Variants in CDH13 observed in about 807,000 individuals in gnomAD.
CDH13 encodes cadherin 13, also known as cadherin-13.
CDH13 carries 24 observed loss-of-function variants against 63.8 expected under a neutral mutation model. The observed-to-expected ratio is 0.38, with a 90% CI of 0.27 to 0.53. CDH13 has a LOEUF of 0.53. Among genes scored for constraint, CDH13 ranks in the 20% least tolerant of loss-of-function variants. CDH13 has a pLI of 0.85. For missense variants in CDH13, 1,049 were observed against 903.1 expected, an observed-to-expected ratio of 1.16 and a Z score of -2.07; for synonymous variants, 503 against 355.3, an observed-to-expected ratio of 1.42 and a Z score of -4.67.
In CDH13 at chr16:83,497,804, C is replaced by T. The variant is rs79945253; in HGVS notation, c.960+11149C>T. The stretch of plus-strand genomic sequence containing the variant: ...ATTGGCCACAATGCTCAGATAGGAG[C>T]AGTTTTATGTACTGACTGCAGCATG... On this transcript the variant is annotated intron_variant, in intron 7 of 13. Coordinates refer to ENST00000567109, the MANE Select transcript of CDH13 (RefSeq NM_001257.5). Among the ~76,000 whole-genome samples the T allele has an allele frequency of 4.1e-3, 618 of 152,320 alleles. 5 individuals carry two copies. The highest frequency in any genetic ancestry group is 0.014 in the African/African-American group (601 of 41,570).
intron 3 of CDH13, among the ~76,000 whole-genome samples, chr16:83,053,031 C>G (rs1035041735): frequency 1.3e-5 from 2 of 152,026 alleles, no homozygotes; most frequent in East Asian, 1.9e-4. Context: ...TTTCGAAGGC[C>G]TAACTTTTTC....
At chr16:83,394,665 A>G (rs985805259) in intron 6 of CDH13, among the ~76,000 whole-genome samples, 2 of 152,190 alleles carry the variant, frequency 1.3e-5, no homozygotes, top group African/African-American at 4.8e-5. Flanking sequence ...CTCCCTTGCT[A>G]GTGTCTGGAA....
intron 3 of CDH13, among the ~76,000 whole-genome samples, chr16:83,122,335 A>G (rs545212166): frequency 6.6e-6 from 1 of 150,970 alleles, no homozygotes; most frequent in Non-Finnish European, 1.5e-5. Flanking sequence ...CAGCATGTTT[A>G]TTTTTATGTT....
At chr16:83,570,467 G>A (rs1330426690) in intron 7 of CDH13, among the ~76,000 whole-genome samples, 1 of 151,982 alleles carries the variant, frequency 6.6e-6, no homozygotes, top group African/African-American at 2.4e-5. Flanking sequence ...CTGCACCAGG[G>A]AGTGAGAATG....
At chr16:83,735,619 G>T (rs1173665154) in intron 10 of CDH13, 1 of 152,018 alleles carries the variant, frequency 6.6e-6, no homozygotes, top group East Asian at 1.9e-4. Context: ...TGTCTTTCTG[G>T]GCTTGGCTTA....
rs1275602167 is a variant in CDH13 at position 83,635,215 on chromosome 16, C to G, written c.1101+32621C>G. 2.6e-5 allele frequency among the ~76,000 whole-genome samples: 4 copies of G among 151,718 alleles called. No individual in the cohort carries two copies. In the East Asian group the frequency reaches 7.7e-4, roughly 29 times the overall value. On this transcript the variant is annotated intron_variant, in intron 8 of 13. Transcript: ENST00000567109. Reference sequence around the variant, plus strand: ...ATGATATGAAACATCTTTGCATGTGCTTATTTGCCGTCAGTGTTCTCTTTG... The same window carrying G: ...ATGATATGAAACATCTTTGCATGTGGTTATTTGCCGTCAGTGTTCTCTTTG...
At chr16:83,475,610 C>G (rs916361289) in intron 6 of CDH13, among the ~76,000 whole-genome samples, 3 of 152,142 alleles carry the variant, frequency 2.0e-5, no homozygotes, top group Admixed American at 6.5e-5. Context: ...GAGACAGGGT[C>G]TCTCTCTGTC....
At chr16:82,703,864 C>G (rs532750085) in intron 1 of CDH13, among the ~76,000 whole-genome samples, 1 of 152,290 alleles carries the variant, frequency 6.6e-6, no homozygotes, top group South Asian at 2.1e-4. Flanking sequence ...GTCAGTGACA[C>G]CTGCACTCAG....
intron 1 of CDH13, among the ~76,000 whole-genome samples, chr16:82,733,944 A>G (rs959055107): frequency 6.6e-6 from 1 of 152,230 alleles, no homozygotes; most frequent in African/African-American, 2.4e-5. Context: ...CCTTGATGGC[A>G]CTTACTTCTT....
chr16:82,982,716 C>T (rs1597353581), intron 2 of CDH13, among the ~76,000 whole-genome samples: 1 of 152,188 alleles, frequency 6.6e-6, no homozygotes, highest in African/African-American at 2.4e-5. Context: ...CCTGTGGCTG[C>T]ACTCCACACA....
At chr16:83,572,702 A>G (rs1904754982) in intron 7 of CDH13, among the ~76,000 whole-genome samples, 1 of 152,256 alleles carries the variant, frequency 6.6e-6, no homozygotes, top group African/African-American at 2.4e-5. Flanking sequence ...TTGAACATGT[A>G]TAATAGCCAA....
chr16:82,877,263 T>A (rs1490554488), intron 2 of CDH13, among the ~76,000 whole-genome samples: 1 of 152,162 alleles, frequency 6.6e-6, no homozygotes, highest in Admixed American at 6.6e-5. Flanking sequence ...GACAAGTAGG[T>A]TATTGTTTGA....
intron 6 of CDH13, chr16:83,398,061 C>A (rs564040983): frequency 1.3e-5 from 2 of 152,202 alleles, no homozygotes; most frequent in East Asian, 1.9e-4. Flanking sequence ...TACTCTAGAC[C>A]AGTGTATCCG....
intron 1 of CDH13, among the ~76,000 whole-genome samples, chr16:82,718,750 C>T (rs554681408): frequency 5.9e-5 from 9 of 152,056 alleles, no homozygotes; most frequent in African/African-American, 9.7e-5. Context: ...TCTCGTGAGA[C>T]GATCACAAGA....
intron 1 of CDH13, among the ~76,000 whole-genome samples, chr16:82,811,182 G>A (rs952393682): frequency 3.9e-5 from 6 of 152,122 alleles, no homozygotes; most frequent in African/African-American, 9.7e-5. Flanking sequence ...AGCTGATTAC[G>A]CGAATTTCTT....
At chr16:83,122,752 C>T (rs1597375623) in intron 3 of CDH13, among the ~76,000 whole-genome samples, 1 of 151,684 alleles carries the variant, frequency 6.6e-6, no homozygotes, top group African/African-American at 2.4e-5. Flanking sequence ...TATCTATTAC[C>T]CTAGATAAAA....
intron 5 of CDH13, among the ~76,000 whole-genome samples, chr16:83,323,571 G>A (rs913100032): frequency 6.0e-4 from 91 of 151,990 alleles, no homozygotes; most frequent in African/African-American, 1.6e-3. Context: ...ATGAGCTACC[G>A]CGCCTGGCCA....
At chr16:83,077,764 T>A (rs2032952528) in intron 3 of CDH13, among the ~76,000 whole-genome samples, 1 of 152,332 alleles carries the variant, frequency 6.6e-6, no homozygotes, top group African/African-American at 2.4e-5. Context: ...AGACTCATAT[T>A]GAGTGTTATC....
intron 4 of CDH13, among the ~76,000 whole-genome samples, chr16:83,170,432 A>C (rs1320635671): frequency 6.6e-6 from 1 of 152,146 alleles, no homozygotes; most frequent in South Asian, 2.1e-4. Context: ...ATGACAACAT[A>C]GGAGAAGCTT....
Sources: gnomAD v4.1 joint callset for allele counts (sites outside exome capture counted in the v4.1 genomes callset) on GRCh38, gnomAD v4.1.1 for gene constraint, MANE v1.5 for transcripts, NCBI Gene and HGNC (gene_info 2026-07-23, HGNC 2026-07-21) for gene names.